MYO1D: variants seen among roughly 807,000 people sequenced by gnomAD.
MYO1D encodes the protein myosin ID, also known as unconventional myosin-Id.
A neutral mutation model predicts 122.0 loss-of-function variants in MYO1D; 83 were observed. The observed-to-expected ratio is 0.68, with a 90% CI of 0.57 to 0.82. The LOEUF is 0.82. Among genes scored for constraint, MYO1D ranks in the 40% least tolerant of loss-of-function variants. MYO1D has a pLI of 0.00. For missense variants in MYO1D, 1,157 were observed against 1,269.5 expected (o/e 0.91, Z 1.35); for synonymous variants, 464 against 446.9 (o/e 1.04, Z -0.48).
At chr17:32,577,407 T>C (rs1343996024) in intron 21 of MYO1D, among the ~76,000 whole-genome samples, 1 of 152,040 alleles carries the variant, frequency 6.6e-6, no homozygotes, top group East Asian at 1.9e-4. Flanking sequence ...GCTGGGACTA[T>C]AGGTGTGAGC....
At chr17:32,779,249 G>T (rs2090211446) in intron 2 of MYO1D, among the ~76,000 whole-genome samples, 1 of 151,866 alleles carries the variant, frequency 6.6e-6, no homozygotes, top group East Asian at 1.9e-4. Flanking sequence ...TAATAATAAT[G>T]TTCAAAGCTT....
chr17:32,840,074 G>A (rs950853864), intron 1 of MYO1D, among the ~76,000 whole-genome samples: 1 of 152,174 alleles, frequency 6.6e-6, no homozygotes, highest in Non-Finnish European at 1.5e-5. Context: ...TTCAGGAGAT[G>A]TTTACCCCAC....
intron 21 of MYO1D, among the ~76,000 whole-genome samples, chr17:32,523,636 C>A (rs946498672): frequency 2.6e-5 from 4 of 151,982 alleles, no homozygotes; most frequent in African/African-American, 9.7e-5. Flanking sequence ...TGGAGAAACC[C>A]TATCTCTACA....
chr17:32,755,555 A>G lies in MYO1D; in HGVS notation c.1404T>C (p.Asp468=). 1 of 1,614,038 alleles carries G rather than the reference A, an allele frequency of 6.2e-7. No individual in the cohort carries two copies. The highest frequency in any genetic ancestry group is 8.5e-7 in the Non-Finnish European group (1 of 1,179,906). Residue 468 remains aspartate (D), a synonymous_variant, in exon 11 of 22, where the codon GAT becomes GAC. Coordinates refer to ENST00000318217, the MANE Select transcript of MYO1D (RefSeq NM_015194.3). ...TGTTAAGTGCTTCAAGAAACATTTC[A>G]TCGGTGACTTTGCCGACATTCATGC... is the stretch of plus-strand genomic sequence containing the variant. The part of the protein sequence containing the change: ...DACMNVGKVT[D]EMFLEALNSK...
intron 15 of MYO1D, among the ~76,000 whole-genome samples, chr17:32,719,435 C>T (rs1016438489): frequency 2.2e-4 from 33 of 151,788 alleles, no homozygotes; most frequent in Non-Finnish European, 4.3e-4. Flanking sequence ...CTGCAAGCTC[C>T]GCCTCCCAGG....
chr17:32,553,178 C>T (rs939937133), intron 21 of MYO1D, among the ~76,000 whole-genome samples: 1 of 151,530 alleles, frequency 6.6e-6, no homozygotes, highest in African/African-American at 2.4e-5. Context: ...GTTGAGTTAA[C>T]TCTTCCCTGT....
intron 1 of MYO1D, among the ~76,000 whole-genome samples, chr17:32,813,105 A>C (rs2090586005): frequency 6.6e-6 from 1 of 152,238 alleles, no homozygotes; most frequent in African/African-American, 2.4e-5. Flanking sequence ...ATATGTGAAA[A>C]GATACTCTGG....
intron 15 of MYO1D, 30 bp from the exon 16 acceptor site, chr17:32,712,225 G>C: frequency 6.3e-7 from 1 of 1,580,808 alleles, no homozygotes; most frequent in Non-Finnish European, 8.7e-7. Flanking sequence ...AGGGTTAAGG[G>C]AGAAAACCAT....
At chr17:32,706,256 G>A (rs184338767) in intron 16 of MYO1D, among the ~76,000 whole-genome samples, 8 of 152,194 alleles carry the variant, frequency 5.3e-5, no homozygotes, top group South Asian at 2.1e-4. Flanking sequence ...ATAGGTGCAC[G>A]CTACCACAGC....
Position 32,767,689 on chromosome 17 carries a change from TG to T in MYO1D, c.777del (p.Phe259LeufsTer22), listed in dbSNP as rs747857772. The T allele has an allele frequency of 6.2e-7, 1 of 1,614,022 alleles. No individual in the cohort carries two copies. Among genetic ancestry groups the T allele is most frequent in the Non-Finnish European group, 8.5e-7 (1 of 1,179,978 alleles). The part of the protein sequence containing the change: ...VVADAMKVIG[F>X]KPEEIQTVYK... Reference sequence around the variant, plus strand: ...TACACTGTTTGGATCTCCTCAGGTTTGAAGCCAATGACTTTCATGGCATCAG... The same window carrying T: ...TACACTGTTTGGATCTCCTCAGGTTTAAGCCAATGACTTTCATGGCATCAG... On this transcript the variant is annotated frameshift_variant, in exon 7 of 22. Transcript: ENST00000318217. LOFTEE classifies it high-confidence loss of function.
At chr17:32,836,131 T>C (rs1455549598) in intron 1 of MYO1D, among the ~76,000 whole-genome samples, 1 of 152,212 alleles carries the variant, frequency 6.6e-6, no homozygotes, top group East Asian at 1.9e-4. Flanking sequence ...TCCAACCATA[T>C]GATATATTCA....
At chr17:32,849,920 A>G (rs1352788267) in intron 1 of MYO1D, among the ~76,000 whole-genome samples, 2 of 152,160 alleles carry the variant, frequency 1.3e-5, no homozygotes, top group East Asian at 3.8e-4. Flanking sequence ...ACGGAAGGAA[A>G]TACACTTCAC....
chr17:32,661,528 A>C (rs1323910681), intron 16 of MYO1D, among the ~76,000 whole-genome samples: 1 of 151,948 alleles, frequency 6.6e-6, no homozygotes, highest in Admixed American at 6.6e-5. Context: ...GGTGGTGTGC[A>C]CCTGTAGTCC....
intron 1 of MYO1D, among the ~76,000 whole-genome samples, chr17:32,876,324 C>T (rs2091229531): frequency 6.6e-6 from 1 of 152,140 alleles, no homozygotes; most frequent in African/African-American, 2.4e-5. Flanking sequence ...AGTGTAAAGC[C>T]GGGATGAGAC....
chr17:32,638,863 A>G, intron 19 of MYO1D, 28 bp from the exon 20 acceptor site: 2 of 1,453,560 alleles, frequency 1.4e-6, no homozygotes, highest in Non-Finnish European at 1.9e-6. Flanking sequence ...AATAAACCAT[A>G]GTATCTCATC....
chr17:32,519,901 TAAAAA>T (rs576868258), intron 21 of MYO1D, among the ~76,000 whole-genome samples: 2,314 of 132,206 alleles, frequency 0.018, 67 homozygotes, highest in African/African-American at 0.057. Context: ...TTTTTTTTTT[TAAAAA>T]AAAAAACCAG....
At chr17:32,872,837 C>T (rs1193987660) in intron 1 of MYO1D, among the ~76,000 whole-genome samples, 1 of 151,798 alleles carries the variant, frequency 6.6e-6, no homozygotes, top group Non-Finnish European at 1.5e-5. Context: ...GCTGGGACTA[C>T]AGGCGCCCGC....
intron 1 of MYO1D, among the ~76,000 whole-genome samples, chr17:32,833,603 T>C (rs1182107426): frequency 6.6e-6 from 1 of 152,154 alleles, no homozygotes; most frequent in Non-Finnish European, 1.5e-5. Context: ...AAATGTCAAG[T>C]CTTTCTATCA....
At chr17:32,644,768 T>C (rs144167163) in intron 19 of MYO1D, among the ~76,000 whole-genome samples, 8 of 152,320 alleles carry the variant, frequency 5.3e-5, no homozygotes, top group African/African-American at 1.7e-4. Context: ...ATTAGATTGG[T>C]AGATCTTCCT....
Sources: allele counts gnomAD v4.1 joint callset (sites outside exome capture counted in the v4.1 genomes callset), GRCh38; gene constraint gnomAD v4.1.1; transcripts MANE v1.5; gene names NCBI Gene and HGNC (gene_info 2026-07-23, HGNC 2026-07-21).